Variants in LRFN5 observed in about 807,000 individuals in gnomAD.
LRFN5 encodes the protein leucine rich repeat and fibronectin type III domain containing 5.
In LRFN5, 24 loss-of-function variants were observed where a neutral mutation model predicts 45.6. The ratio of observed to expected loss-of-function variants is 0.53; its 90% CI spans 0.38 to 0.74. The LOEUF (loss-of-function observed/expected upper bound fraction) is 0.74. Among genes scored for constraint, LRFN5 ranks in the 30% least tolerant of loss-of-function variants. LRFN5 has a pLI of 0.00. For synonymous variants in LRFN5, 340 were observed against 313.8 expected (o/e 1.08, Z -0.88); for missense variants, 776 against 861.5 (o/e 0.90, Z 1.24).
chr14:41,875,784 A>C (rs186657404), intron 2 of LRFN5, among the ~76,000 whole-genome samples: 30 of 152,288 alleles, frequency 2.0e-4, no homozygotes, highest in Non-Finnish European at 4.0e-4. Context: ...CCAAACTCAC[A>C]ATGCCAAAGG....
At chr14:41,693,816 G>C (rs1054900396) in intron 1 of LRFN5, among the ~76,000 whole-genome samples, 3 of 151,922 alleles carry the variant, frequency 2.0e-5, no homozygotes, top group African/African-American at 7.2e-5. Context: ...ATTAAAAACA[G>C]AAAGAATAAA....
At chr14:41,621,847 T>G (rs1888147023) in intron 1 of LRFN5, among the ~76,000 whole-genome samples, 1 of 152,032 alleles carries the variant, frequency 6.6e-6, no homozygotes, top group African/African-American at 2.4e-5. Flanking sequence ...TTTCTCAGAT[T>G]TGGAGGGGTA....
intron 2 of LRFN5, among the ~76,000 whole-genome samples, chr14:41,854,767 T>G (rs186499058): frequency 1.3e-5 from 2 of 152,272 alleles, no homozygotes; most frequent in Non-Finnish European, 2.9e-5. Flanking sequence ...CTTCTGTTTG[T>G]TTTTGTTGTG....
chr14:41,856,588 C>T (rs1276073325), intron 2 of LRFN5, among the ~76,000 whole-genome samples: 1 of 150,932 alleles, frequency 6.6e-6, no homozygotes, highest in Admixed American at 6.6e-5. Context: ...ATGTTTTGAT[C>T]ACCCAATGCA....
rs1179048454 is a variant in LRFN5, at chr14:41,673,625, A to AC, written c.-197+65070dup. On this transcript the variant is annotated intron_variant, in intron 1 of 5. Coordinates refer to ENST00000298119, the MANE Select transcript of LRFN5 (RefSeq NM_152447.5). ...GGGCGGCTGGCCGGGCAGGGGACTG[A>AC]CCCCCCCACCTCCCTCCCGGACGGG... Among the ~76,000 whole-genome samples, 196 of 100,120 alleles carry AC rather than the reference A, an allele frequency of 2.0e-3. 1 individual carries two copies. The highest frequency in any genetic ancestry group is 7.2e-3 in the African/African-American group (180 of 24,928). The allele number at this position is 100,120 out of a possible 152,430, so 65.7% of individuals were successfully genotyped here. A position where few individuals can be genotyped will look rare whatever the true frequency, so the allele number is the denominator to read the frequency against.
intron 2 of LRFN5, among the ~76,000 whole-genome samples, chr14:41,855,751 C>G (rs1566485823): frequency 6.6e-6 from 1 of 152,090 alleles, no homozygotes; most frequent in Admixed American, 6.5e-5. Flanking sequence ...TTTTGATTCA[C>G]CTATAACAAT....
intron 1 of LRFN5, among the ~76,000 whole-genome samples, chr14:41,681,209 T>C (rs1324317317): frequency 1.3e-5 from 2 of 152,144 alleles, no homozygotes; most frequent in East Asian, 3.9e-4. Flanking sequence ...TTCAAAGGGA[T>C]AAATAAGGAG....
intron 2 of LRFN5, among the ~76,000 whole-genome samples, chr14:41,805,553 A>ACCG (rs1555320823): frequency 1.5e-5 from 2 of 129,884 alleles, no homozygotes; most frequent in Non-Finnish European, 3.3e-5. Context: ...CTATCCCTCC[A>ACCG]CCCCCCCCAC....
At chr14:41,804,151 G>C (rs1364472088) in intron 2 of LRFN5, among the ~76,000 whole-genome samples, 2 of 152,052 alleles carry the variant, frequency 1.3e-5, no homozygotes, top group African/African-American at 4.8e-5. Flanking sequence ...GTGAGCCACC[G>C]TGCCTGGCCC....
chr14:41,736,968 G>C (rs1385367593), intron 1 of LRFN5, among the ~76,000 whole-genome samples: 1 of 150,394 alleles, frequency 6.6e-6, no homozygotes, highest in South Asian at 2.1e-4. Context: ...CCAAACAATA[G>C]AAAAAAAAAG....
chr14:41,722,565 G>GTTTTTTT (rs201341679), intron 1 of LRFN5, among the ~76,000 whole-genome samples: 4 of 145,770 alleles, frequency 2.7e-5, no homozygotes, highest in Admixed American at 6.8e-5. Context: ...AAAATACGGT[G>GTTTTTTT]TTTTTTTTTT....
At chr14:41,677,150 A>C (rs2138676474) in intron 1 of LRFN5, among the ~76,000 whole-genome samples, 1 of 152,336 alleles carries the variant, frequency 6.6e-6, no homozygotes, top group African/African-American at 2.4e-5. Context: ...GGGGAAAAAA[A>C]ATCTAGCAGA....
chr14:41,700,610 A>G (rs183548327), intron 1 of LRFN5: 7 of 152,252 alleles, frequency 4.6e-5, no homozygotes, highest in Admixed American at 1.3e-4. Flanking sequence ...AAAGAAAAGA[A>G]AAACAAAACA....
chr14:41,644,244 A>C (rs1879710425), intron 1 of LRFN5, among the ~76,000 whole-genome samples: 1 of 152,010 alleles, frequency 6.6e-6, no homozygotes. Flanking sequence ...GTGTGGATCC[A>C]AGATTCCTAA....
intron 1 of LRFN5, among the ~76,000 whole-genome samples, chr14:41,622,449 AAG>A (rs1259968179): frequency 6.6e-6 from 1 of 152,100 alleles, no homozygotes; most frequent in African/African-American, 2.4e-5. Flanking sequence ...ACGATCATAA[AAG>A]AGTAAAGGAC....
At chr14:41,794,174 A>G (rs1018855272) in intron 2 of LRFN5, among the ~76,000 whole-genome samples, 1 of 152,064 alleles carries the variant, frequency 6.6e-6, no homozygotes, top group Non-Finnish European at 1.5e-5. Flanking sequence ...TTTACATTCT[A>G]GGATCTGCTA....
At chr14:41,840,480 A>G (rs1420018108) in intron 2 of LRFN5, among the ~76,000 whole-genome samples, 3 of 152,202 alleles carry the variant, frequency 2.0e-5, no homozygotes, top group Non-Finnish European at 2.9e-5. Flanking sequence ...ATATTTTAGT[A>G]TCATAATATG....
intron 2 of LRFN5, among the ~76,000 whole-genome samples, chr14:41,823,911 A>T (rs1037290708): frequency 6.6e-6 from 1 of 152,060 alleles, no homozygotes; most frequent in Admixed American, 6.6e-5. Context: ...AATTCAAAAG[A>T]CCTGTCTTTA....
Position 41,607,068 on chromosome 14 carries a change from GGGCGCTGTGTTCCGC to G in LRFN5, c.-1685_-1671del, listed in dbSNP as rs1402999275. Among the ~76,000 whole-genome samples, 3 of 152,128 alleles carry G rather than the reference GGGCGCTGTGTTCCGC, an allele frequency of 2.0e-5. No homozygotes were observed. The highest frequency in any genetic ancestry group is 7.2e-5 in the African/African-American group (3 of 41,446). On this transcript the variant is annotated 5_prime_UTR_variant, in exon 1 of 6. Transcript: ENST00000298119. ...GCCCCAGCGCGGTGGCCAGCGGGCG[GGGCGCTGTGTTCCGC>G]GGCGCGCAGGGAGGCGGTGAGCGTG...
Sources: allele counts gnomAD v4.1 joint callset (sites outside exome capture counted in the v4.1 genomes callset), GRCh38; gene constraint gnomAD v4.1.1; transcripts MANE v1.5; gene names NCBI Gene and HGNC (gene_info 2026-07-23, HGNC 2026-07-21).